PPP1R1C: variants seen among roughly 807,000 people sequenced by gnomAD.
PPP1R1C encodes the protein protein phosphatase 1 regulatory subunit 1C.
PPP1R1C carries 15 observed loss-of-function variants against 17.4 expected under a neutral mutation model. That is an observed-to-expected ratio of 0.86 (90% confidence interval 0.58 to 1.33). PPP1R1C has a LOEUF of 1.33. Ranked by LOEUF, PPP1R1C falls within the 40% of genes most tolerant of loss-of-function variation. The probability of loss-of-function intolerance (pLI) is 0.00; values close to 1 mark genes in which losing one functional copy is unlikely to be tolerated. For synonymous variants in PPP1R1C, 35 were observed against 43.1 expected, an observed-to-expected ratio of 0.81 and a Z score of 0.73; for missense variants, 143 against 130.0, an observed-to-expected ratio of 1.10 and a Z score of -0.48.
chr2:182,096,717 A>C (rs1206666955), intron 4 of PPP1R1C, among the ~76,000 whole-genome samples: 1 of 152,102 alleles, frequency 6.6e-6, no homozygotes, highest in Non-Finnish European at 1.5e-5. Flanking sequence ...ATCTCCCAAC[A>C]GTGAGAGTGA....
chr2:182,016,368 A>T (rs1392440365), intron 2 of PPP1R1C, among the ~76,000 whole-genome samples: 1 of 152,120 alleles, frequency 6.6e-6, no homozygotes, highest in African/African-American at 2.4e-5. Flanking sequence ...GTTCTTTCTT[A>T]TGAAGTTGCT....
intron 4 of PPP1R1C, among the ~76,000 whole-genome samples, chr2:182,073,419 A>G (rs1411756660): frequency 2.6e-5 from 4 of 152,250 alleles, no homozygotes; most frequent in African/African-American, 9.6e-5. Flanking sequence ...GAACAAAATT[A>G]TAAATTCATT....
intron 1 of PPP1R1C, among the ~76,000 whole-genome samples, chr2:181,970,265 A>C (rs1684983185): frequency 6.6e-6 from 1 of 151,916 alleles, no homozygotes; most frequent in Non-Finnish European, 1.5e-5. Flanking sequence ...ATTTGTACCC[A>C]TCCTTCTTGA....
At chr2:181,966,431 GC>G (rs1381370405) in intron 1 of PPP1R1C, among the ~76,000 whole-genome samples, 1 of 152,124 alleles carries the variant, frequency 6.6e-6, no homozygotes, top group African/African-American at 2.4e-5. Flanking sequence ...TATGATACTA[GC>G]TGTGGGTATG....
chr2:182,075,109 G>A (rs1376468381), intron 4 of PPP1R1C, among the ~76,000 whole-genome samples: 13 of 152,280 alleles, frequency 8.5e-5, no homozygotes, highest in Admixed American at 7.2e-4. Context: ...ATTCTACATT[G>A]CATCCTTTCT....
intron 4 of PPP1R1C, among the ~76,000 whole-genome samples, chr2:182,097,730 G>T (rs1260312930): frequency 1.3e-5 from 2 of 152,136 alleles, no homozygotes; most frequent in Non-Finnish European, 2.9e-5. Flanking sequence ...AGCTATTTCA[G>T]TCTTCCCAGA....
At chr2:181,968,611 G>A (rs143142448) in intron 1 of PPP1R1C, among the ~76,000 whole-genome samples, 143 of 152,140 alleles carry the variant, frequency 9.4e-4, no homozygotes, top group African/African-American at 3.3e-3. Flanking sequence ...TTTCCTGTAG[G>A]GAACAGATAA....
intron 5 of PPP1R1C, among the ~76,000 whole-genome samples, chr2:182,124,338 T>G (rs200972171): frequency 0.01 from 1,353 of 130,830 alleles, 24 homozygotes; most frequent in African/African-American, 0.029. Context: ...TTTTTTTTTT[T>G]GTTTTTTTTT....
intron 2 of PPP1R1C, among the ~76,000 whole-genome samples, chr2:182,054,319 G>C (rs2125191088): frequency 6.6e-6 from 1 of 152,244 alleles, no homozygotes; most frequent in Non-Finnish European, 1.5e-5. Context: ...AGTACAATGT[G>C]TGCTTATAGT....
In PPP1R1C at chr2:182,089,168, G is replaced by A. The variant is rs375291048; in HGVS notation, c.241+25377G>A. 6.6e-5 allele frequency among the ~76,000 whole-genome samples: 10 copies of A among 152,322 alleles called. No individual in the cohort carries two copies. The East Asian group carries it at 1.3e-3, about 21-fold the overall frequency. ...TTTTTCAAAGGCATGTCCAGCTGGA[G>A]CCAGACAATTCTGAAATAGATCCCA... On this transcript the variant is annotated intron_variant, in intron 4 of 4. Coordinates refer to ENST00000682840, the MANE Select transcript of PPP1R1C (RefSeq NM_001080545.3).
intron 5 of PPP1R1C, among the ~76,000 whole-genome samples, chr2:182,125,136 T>C (rs959535780): frequency 6.6e-6 from 1 of 152,182 alleles, no homozygotes; most frequent in African/African-American, 2.4e-5. Context: ...AAAGGCCTTT[T>C]TCTGCATCTA....
At chr2:182,119,524 A>G (rs1192908470), downstream of PPP1R1C, among the ~76,000 whole-genome samples, 2 of 152,204 alleles carry the variant, frequency 1.3e-5, no homozygotes. Flanking sequence ...TCCCAACAAC[A>G]GTGTAAAAGT....
chr2:181,967,764 G>A lies in PPP1R1C; in HGVS notation n.112-7455G>A, dbSNP rs965603532. On this transcript the variant is annotated intron_variant and non_coding_transcript_variant, in intron 1 of 5. Transcript: ENST00000464264. This position sits in a 1 kb window ranked among gnomAD's most constrained non-coding sequence, Gnocchi z 5.5. ...GAGTTTCACTCTTGTTGCCCAGGCT[G>A]GAGTGCAATGGCACATTCTTGGCTC... Among the ~76,000 whole-genome samples the A allele has an allele frequency of 1.3e-5, 2 of 151,654 alleles. No individual in the cohort carries two copies. Among genetic ancestry groups the A allele is most frequent in the Non-Finnish European group, 2.9e-5 (2 of 67,960 alleles).
chr2:182,105,805 A>G (rs933951786), intron 4 of PPP1R1C, among the ~76,000 whole-genome samples: 7 of 152,080 alleles, frequency 4.6e-5, no homozygotes, highest in Non-Finnish European at 7.4e-5. Context: ...ATTGGGGAGG[A>G]TGGGGATTTC....
chr2:182,060,087 A>G (rs1454054323), intron 2 of PPP1R1C, among the ~76,000 whole-genome samples: 1 of 152,162 alleles, frequency 6.6e-6, no homozygotes, highest in Non-Finnish European at 1.5e-5. Flanking sequence ...TAGCTGCCTG[A>G]AAATGCCCCA....
chr2:182,063,864 C>A, intron 4 of PPP1R1C, 73 bp downstream of exon 4: 2 of 1,069,490 alleles, frequency 1.9e-6, no homozygotes, highest in African/African-American at 1.6e-5. Context: ...TTCTCTAGGA[C>A]CACATATCTG....
In PPP1R1C at chr2:181,957,588, T is replaced by C. The variant is rs1684691429; in HGVS notation, n.111+2954T>C. ...TTATTGGGTAGTCCTAGATAAAATTTATGAAGTTAGGGTGTCTTCTTCTCA... is the reference window on the plus strand; with the variant it reads ...TTATTGGGTAGTCCTAGATAAAATTCATGAAGTTAGGGTGTCTTCTTCTCA... On this transcript the variant is annotated intron_variant and non_coding_transcript_variant, in intron 1 of 5. Transcript: ENST00000464264. The surrounding 1 kb of genome is among the most constrained non-coding windows in gnomAD (Gnocchi z 4.2). Among the ~76,000 whole-genome samples the C allele has an allele frequency of 6.6e-6, 1 of 152,226 alleles. No homozygotes were observed. The highest frequency in any genetic ancestry group is 6.5e-5 in the Admixed American group (1 of 15,288).
intron 2 of PPP1R1C, among the ~76,000 whole-genome samples, chr2:182,055,630 A>ATT (rs1268759472): frequency 4.6e-5 from 7 of 152,260 alleles, no homozygotes; most frequent in African/African-American, 1.7e-4. Context: ...CTAAAGGATG[A>ATT]TTTTACTGAA....
intron 2 of PPP1R1C, among the ~76,000 whole-genome samples, chr2:182,004,221 A>G (rs1282920648): frequency 6.6e-6 from 1 of 152,200 alleles, no homozygotes; most frequent in Admixed American, 6.6e-5. Context: ...TCTTATCTAA[A>G]ATTTGCAGGT....
Sources: gnomAD v4.1 joint callset for allele counts (sites outside exome capture counted in the v4.1 genomes callset) on GRCh38, gnomAD v4.1.1 for gene constraint, Gnocchi (gnomAD v3.1) non-coding constraint, MANE v1.5 for transcripts, NCBI Gene and HGNC (gene_info 2026-07-23, HGNC 2026-07-21) for gene names.